The following SSBP2 variants were observed in gnomAD, a reference collection of about 807,000 sequenced individuals.
SSBP2 encodes the protein single-stranded DNA-binding protein 2.
Under a neutral mutation model 61.8 loss-of-function variants are expected in SSBP2, and 17 were observed. That is an observed-to-expected ratio of 0.28 (90% CI 0.19 to 0.41). The LOEUF (loss-of-function observed/expected upper bound fraction) is 0.41. Among genes scored for constraint, SSBP2 ranks in the 10% least tolerant of loss-of-function variants. The pLI, the probability that SSBP2 is intolerant of heterozygous loss-of-function variation, is 1.00. For missense variants in SSBP2, 310 were observed against 458.7 expected (o/e 0.68, Z 2.96); for synonymous variants, 139 against 141.3 (o/e 0.98, Z 0.12).
chr5:81,592,514 T>C (rs1035042394), intron 4 of SSBP2, among the ~76,000 whole-genome samples: 15 of 152,152 alleles, frequency 9.9e-5, no homozygotes, highest in African/African-American at 1.9e-4. Flanking sequence ...AGCATGCAGC[T>C]TGAGATCTGA....
At chr5:81,422,557 A>G (rs1330680719) in intron 16 of SSBP2, among the ~76,000 whole-genome samples, 1 of 152,226 alleles carries the variant, frequency 6.6e-6, no homozygotes, top group East Asian at 1.9e-4. Context: ...TTCACAGCCT[A>G]CAGAGTTTCA....
At chr5:81,749,923 C>G (rs943844940) in intron 1 of SSBP2, among the ~76,000 whole-genome samples, 1 of 152,186 alleles carries the variant, frequency 6.6e-6, no homozygotes, top group African/African-American at 2.4e-5. Flanking sequence ...AACGCTTCTC[C>G]CCTCCCACAA....
intron 1 of SSBP2, among the ~76,000 whole-genome samples, chr5:81,724,117 AATC>A (rs1755720837): frequency 6.6e-6 from 1 of 152,082 alleles, no homozygotes; most frequent in African/African-American, 2.4e-5. Context: ...TTATTTTTTA[AATC>A]AACATATATT....
chr5:81,692,642 C>T (rs1452484974), intron 1 of SSBP2, among the ~76,000 whole-genome samples: 1 of 152,134 alleles, frequency 6.6e-6, no homozygotes, highest in African/African-American at 2.4e-5. Flanking sequence ...CAGCATGGTA[C>T]TGGCATAAAA....
chr5:81,524,134 C>T (rs1284606813), intron 4 of SSBP2, among the ~76,000 whole-genome samples: 1 of 151,914 alleles, frequency 6.6e-6, no homozygotes, highest in Non-Finnish European at 1.5e-5. Flanking sequence ...AAACTTTTTT[C>T]CCCTCTGTGG....
At chr5:81,614,874 T>TA (rs957061394) in intron 4 of SSBP2, among the ~76,000 whole-genome samples, 20 of 150,646 alleles carry the variant, frequency 1.3e-4, no homozygotes, top group East Asian at 3.9e-4. Flanking sequence ...GCAGTCCTTC[T>TA]AAAAAAAAAT....
intron 2 of SSBP2, among the ~76,000 whole-genome samples, chr5:81,643,474 T>C (rs1748973036): frequency 6.6e-6 from 1 of 152,104 alleles, no homozygotes; most frequent in Non-Finnish European, 1.5e-5. Context: ...GACTTCTAAT[T>C]TAGACATAAC....
At chr5:81,480,499 G>T (rs1239028310) in intron 6 of SSBP2, among the ~76,000 whole-genome samples, 1 of 152,116 alleles carries the variant, frequency 6.6e-6, no homozygotes, top group Non-Finnish European at 1.5e-5. Context: ...TCAGTTAGCT[G>T]TAATCTTTTG....
At chr5:81,681,915 T>C (rs385332) in intron 1 of SSBP2, among the ~76,000 whole-genome samples, 56,926 of 152,000 alleles carry the variant, frequency 0.37, 11,043 homozygotes, top group Middle Eastern at 0.58. Context: ...ATTAAAAGAA[T>C]AATAAATACT....
intron 12 of SSBP2, among the ~76,000 whole-genome samples, chr5:81,444,918 T>A (rs1193593030): frequency 6.6e-6 from 1 of 150,556 alleles, no homozygotes; most frequent in African/African-American, 2.4e-5. Context: ...AGGTTAGGAG[T>A]TCCAGACCAG....
chr5:81,620,510 G>A (rs371402153), intron 3 of SSBP2, among the ~76,000 whole-genome samples: 51 of 142,052 alleles, frequency 3.6e-4, no homozygotes, highest in Middle Eastern at 3.8e-3. Context: ...AATCAATATC[G>A]TGAAAATGGC....
chr5:81,503,018 T>C (rs995702011), intron 5 of SSBP2, among the ~76,000 whole-genome samples: 5 of 152,074 alleles, frequency 3.3e-5, no homozygotes, highest in East Asian at 3.9e-4. Context: ...GCAAAGGACA[T>C]AGACACTTTT....
chr5:81,653,613 T>C (rs189980814), intron 1 of SSBP2, among the ~76,000 whole-genome samples: 274 of 152,330 alleles, frequency 1.8e-3, no homozygotes, highest in African/African-American at 5.1e-3. Flanking sequence ...GCATCTGTTG[T>C]TTCCTGTCTT....
At chr5:81,697,475 T>C (rs924414123) in intron 1 of SSBP2, among the ~76,000 whole-genome samples, 1 of 152,252 alleles carries the variant, frequency 6.6e-6, no homozygotes, top group African/African-American at 2.4e-5. Flanking sequence ...ACGTAGTATT[T>C]ATTTATATGG....
chr5:81,471,841 T>C (rs1167415639), intron 8 of SSBP2, among the ~76,000 whole-genome samples: 1 of 151,992 alleles, frequency 6.6e-6, no homozygotes, highest in Non-Finnish European at 1.5e-5. Flanking sequence ...TTTTTTCCTA[T>C]AATATGGCAT....
At chr5:81,623,680 G>A (rs557826411) in intron 3 of SSBP2, among the ~76,000 whole-genome samples, 2 of 152,064 alleles carry the variant, frequency 1.3e-5, no homozygotes, top group East Asian at 3.9e-4. Flanking sequence ...GGACTGGGGG[G>A]AAATAATTTA....
chr5:81,551,878 A>C (rs906633008), intron 4 of SSBP2, among the ~76,000 whole-genome samples: 2 of 152,194 alleles, frequency 1.3e-5, no homozygotes, highest in Non-Finnish European at 2.9e-5. Context: ...ACAACTATTA[A>C]ATAGATCTAA....
At chr5:81,680,902 A>G (rs1308228512) in intron 1 of SSBP2, among the ~76,000 whole-genome samples, 3 of 152,214 alleles carry the variant, frequency 2.0e-5, no homozygotes, top group Non-Finnish European at 4.4e-5. Context: ...TGAACTCAAC[A>G]GCACCATCAA....
intron 14 of SSBP2, among the ~76,000 whole-genome samples, chr5:81,438,915 C>G (rs1243073460): frequency 6.6e-6 from 1 of 152,136 alleles, no homozygotes; most frequent in Non-Finnish European, 1.5e-5. Flanking sequence ...TGCTGTGTAC[C>G]TGACATGTGG....
Sources: allele counts gnomAD v4.1 joint callset (sites outside exome capture counted in the v4.1 genomes callset), GRCh38; gene constraint gnomAD v4.1.1; transcripts MANE v1.5; gene names NCBI Gene and HGNC (gene_info 2026-07-23, HGNC 2026-07-21).